The following MAP3K19 variants were observed in gnomAD, a reference collection of about 807,000 sequenced individuals.
MAP3K19 encodes mitogen-activated protein kinase kinase kinase 19, also known as SPS1/STE20-related protein kinase YSK4.
MAP3K19 carries 91 observed loss-of-function variants against 114.4 expected under a neutral mutation model. That is an observed-to-expected ratio of 0.80 (90% confidence interval 0.67 to 0.95). The LOEUF (loss-of-function observed/expected upper bound fraction) is 0.95. MAP3K19 is among the 40% of genes least tolerant of loss of function. The probability of loss-of-function intolerance (pLI) is 0.00; values close to 1 mark genes in which losing one functional copy is unlikely to be tolerated. For missense variants in MAP3K19, 1,471 were observed against 1,573.2 expected (o/e 0.94, Z 1.10); for synonymous variants, 518 against 530.5 (o/e 0.98, Z 0.32).
Position 134,986,074 on chromosome 2 carries a change from G to A in MAP3K19, c.2798C>T (p.Ala933Val). Residue 933 changes from alanine (A) to valine (V), a missense_variant, in exon 10 of 13, where the codon GCA becomes GTA. Physicochemically the swap from Ala to Val is moderately conservative, Grantham distance 64. Coordinates refer to ENST00000392915, the MANE Select transcript of MAP3K19 (RefSeq NM_025052.5). ...WVHYLDHDSL[A>V]NKSITYQMFG... The stretch of plus-strand genomic sequence containing the variant: ...CATTTGATATGTGATTGACTTATTT[G>A]CTAAACTATCATGATCCAAATAATG... The A allele has an allele frequency of 6.2e-7, 1 of 1,613,912 alleles. No homozygotes were observed. The highest frequency in any genetic ancestry group is 8.5e-7 in the Non-Finnish European group (1 of 1,179,942).
intron 3 of MAP3K19, among the ~76,000 whole-genome samples, chr2:135,026,673 C>T (rs1688264683): frequency 6.6e-6 from 1 of 152,168 alleles, no homozygotes; most frequent in South Asian, 2.1e-4. Flanking sequence ...TTTATCTCCT[C>T]CCTCCTAAAA....
At chr2:134,988,326 C>T in intron 9 of MAP3K19, 73 bp from the exon 10 acceptor site, 2 of 1,271,396 alleles carry the variant, frequency 1.6e-6, no homozygotes, top group African/African-American at 1.5e-5. Context: ...TTAAAGTAGT[C>T]TAAAGAGATT....
intron 9 of MAP3K19, among the ~76,000 whole-genome samples, chr2:134,990,994 G>A (rs1188716140): frequency 2.0e-5 from 3 of 152,024 alleles, no homozygotes; most frequent in South Asian, 2.1e-4. Context: ...AGGAGTTCAA[G>A]ACCAACGTGG....
Position 134,999,886 on chromosome 2 carries a change from C to T in MAP3K19, c.314+51G>A, listed in dbSNP as rs376601373. 27 of 1,207,634 alleles carry T rather than the reference C, an allele frequency of 2.2e-5. No individual in the cohort carries two copies. Among genetic ancestry groups the T allele is most frequent in the Non-Finnish European group, 3.1e-5 (25 of 811,152 alleles). The allele number at this position is 1,207,634 out of a possible 1,614,324, so 74.8% of individuals were successfully genotyped here. A position where few individuals can be genotyped will look rare whatever the true frequency, so the allele number is the denominator to read the frequency against. ...ATAATGTAGGTTGCCATATGACTATCATTGCTTCATACTTCATTTCAAATC... is the reference window on the plus strand; with the variant it reads ...ATAATGTAGGTTGCCATATGACTATTATTGCTTCATACTTCATTTCAAATC... On this transcript the variant is annotated intron_variant, in intron 7 of 12. Coordinates refer to ENST00000392915, the MANE Select transcript of MAP3K19 (RefSeq NM_025052.5). The surrounding 1 kb of genome is among the most constrained non-coding windows in gnomAD (Gnocchi z 4.1).
chr2:134,984,966 C>A (rs953933067), intron 10 of MAP3K19, among the ~76,000 whole-genome samples: 17 of 152,076 alleles, frequency 1.1e-4, no homozygotes, highest in Admixed American at 6.6e-4. Context: ...AAAAATTATT[C>A]CTGATCCTGA....
Position 134,987,645 on chromosome 2 carries a change from C to A in MAP3K19, c.1227G>T (p.Glu409Asp), listed in dbSNP as rs1008359734. The A allele has an allele frequency of 1.2e-6, 2 of 1,614,064 alleles. No homozygotes were observed. The highest frequency in any genetic ancestry group is 2.7e-5 in the African/African-American group (2 of 75,028). The change falls in exon 10 of 13, where the codon GAG becomes GAT. Residue 409 changes from glutamate to aspartate, a missense_variant. By Grantham distance (45) the Glu-to-Asp change is conservative. Transcript: ENST00000392915. The part of the protein sequence containing the change: ...HSEITPSQDE[E>D]MRNNKAASKR... ...TTGAAGCAGCTTTATTATTTCTCAT[C>A]TCTTCATCCTGGCTTGGAGTTATTT...
intron 12 of MAP3K19, among the ~76,000 whole-genome samples, chr2:134,968,268 C>T (rs2105132184): frequency 6.6e-6 from 1 of 152,248 alleles, no homozygotes; most frequent in South Asian, 2.1e-4. Flanking sequence ...TCTTTCTACA[C>T]AGACACGGCA....
intron 5 of MAP3K19, among the ~76,000 whole-genome samples, chr2:135,018,281 C>CAA (rs781510594): frequency 0.053 from 3,061 of 58,034 alleles, 120 homozygotes; most frequent in African/African-American, 0.066. Flanking sequence ...GCAACAACAG[C>CAA]AAAAAAAAAA....
intron 10 of MAP3K19, among the ~76,000 whole-genome samples, chr2:134,984,378 G>T (rs998205191): frequency 7.2e-5 from 11 of 151,938 alleles, no homozygotes; most frequent in African/African-American, 2.7e-4. Flanking sequence ...TATATATCAT[G>T]CACACATATA....
intron 6 of MAP3K19, among the ~76,000 whole-genome samples, chr2:135,002,422 T>TATTTA (rs1262940333): frequency 1.3e-4 from 19 of 148,932 alleles, no homozygotes; most frequent in Non-Finnish European, 2.1e-4. Flanking sequence ...CTCCTTATTT[T>TATTTA]ATTTTATTTT....
intron 12 of MAP3K19, among the ~76,000 whole-genome samples, chr2:134,969,828 T>C (rs1402307708): frequency 1.3e-5 from 2 of 152,218 alleles, no homozygotes; most frequent in Non-Finnish European, 2.9e-5. Context: ...TCTAACTTCG[T>C]TCATCTGCAT....
chr2:134,979,452 G>C lies in MAP3K19; in HGVS notation c.3920+1369C>G, dbSNP rs1357171360. 2.1e-5 allele frequency among the ~76,000 whole-genome samples: 3 copies of C among 140,334 alleles called. No homozygotes were observed. In the East Asian group the frequency reaches 1.3e-3, roughly 62 times the overall value. The allele number at this position is 140,334 out of a possible 152,430, so 92.1% of individuals were successfully genotyped here. A position where few individuals can be genotyped will look rare whatever the true frequency, so the allele number is the denominator to read the frequency against. ...TCTCTTTAAAGTGCTTCGTGTGTGT[G>C]TGTGTGTGTGTGTGTGTGTGTGTGT... is the stretch of plus-strand genomic sequence containing the variant. On this transcript the variant is annotated intron_variant, in intron 12 of 12. Coordinates refer to ENST00000392915, the MANE Select transcript of MAP3K19 (RefSeq NM_025052.5).
chr2:135,033,545 TC>T lies in MAP3K19; in HGVS notation c.-283-3046del, dbSNP rs1262404312. Among the ~76,000 whole-genome samples, 24 of 35,116 alleles carry T rather than the reference TC, an allele frequency of 6.8e-4. 2 individuals are homozygous for T. The East Asian group carries it at 0.029, about 42-fold the overall frequency. 23.0% of individuals were successfully genotyped at this position (35,116 alleles called of 152,430 possible). ...CAGCCGGGCAGAGGCGCCCCTCACC[TC>T]CCGGACGGGGCGGCTGGCGGGCGGG... On this transcript the variant is annotated intron_variant, in intron 2 of 12. Coordinates refer to ENST00000392915, the MANE Select transcript of MAP3K19 (RefSeq NM_025052.5).
chr2:135,042,663 G>C (rs1320590912), intron 1 of MAP3K19, among the ~76,000 whole-genome samples: 1 of 152,156 alleles, frequency 6.6e-6, no homozygotes, highest in Non-Finnish European at 1.5e-5. Flanking sequence ...AGTAAAACCA[G>C]ATGGGAATTT....
At chr2:135,005,324 A>G in intron 6 of MAP3K19, 111 bp downstream of exon 6, 1 of 763,208 alleles carries the variant, frequency 1.3e-6, no homozygotes, top group Non-Finnish European at 2.2e-6. Flanking sequence ...ACCCTCTGAT[A>G]GGCTCCAGTG....
chr2:135,042,647 G>A (rs1688670082), intron 1 of MAP3K19, among the ~76,000 whole-genome samples: 1 of 152,160 alleles, frequency 6.6e-6, no homozygotes, highest in Admixed American at 6.6e-5. Context: ...GGGCCGAGGA[G>A]GAGAGAGTAA....
chr2:135,032,570 T>C (rs1046530400), intron 2 of MAP3K19, among the ~76,000 whole-genome samples: 3 of 139,366 alleles, frequency 2.2e-5, no homozygotes, highest in East Asian at 2.0e-4. Context: ...ATTGGATAAA[T>C]AAAATGTTGT....
intron 5 of MAP3K19, among the ~76,000 whole-genome samples, chr2:135,020,907 T>C (rs1574038240): frequency 6.6e-6 from 1 of 152,220 alleles, no homozygotes; most frequent in East Asian, 1.9e-4. Context: ...CTTTTGTTTA[T>C]AAATTACCCA....
At chr2:135,030,858 G>A (rs1464002972) in intron 2 of MAP3K19, among the ~76,000 whole-genome samples, 1 of 152,102 alleles carries the variant, frequency 6.6e-6, no homozygotes, top group African/African-American at 2.4e-5. Flanking sequence ...GGAGTTCAAG[G>A]CCATCATGCA....
Sources: allele counts gnomAD v4.1 joint callset (sites outside exome capture counted in the v4.1 genomes callset), GRCh38; gene constraint gnomAD v4.1.1; non-coding constraint Gnocchi (gnomAD v3.1); transcripts MANE v1.5; gene names NCBI Gene and HGNC (gene_info 2026-07-23, HGNC 2026-07-21).